ADIPOR2: variants seen among roughly 807,000 people sequenced by gnomAD.
The protein encoded by ADIPOR2 is adiponectin receptor protein 2.
In ADIPOR2, 18 loss-of-function variants were observed where a neutral mutation model predicts 40.9. That is an observed-to-expected ratio of 0.44 (90% CI 0.30 to 0.65). ADIPOR2 has a LOEUF of 0.65. Among genes scored for constraint, ADIPOR2 ranks in the 30% least tolerant of loss-of-function variants. The probability of loss-of-function intolerance (pLI) is 0.09; values close to 1 mark genes in which losing one functional copy is unlikely to be tolerated. For missense variants in ADIPOR2, 283 were observed against 479.2 expected, an observed-to-expected ratio of 0.59 and a Z score of 3.82; for synonymous variants, 165 against 166.4, an observed-to-expected ratio of 0.99 and a Z score of 0.06.
chr12:1,691,101 C>G lies in ADIPOR2; in HGVS notation c.-177C>G, dbSNP rs1363587187. 4 of 164,746 alleles carry G rather than the reference C, an allele frequency of 2.4e-5. No homozygotes were observed. The East Asian group carries it at 7.4e-4, about 30-fold the overall frequency. The allele number at this position is 164,746 out of a possible 1,614,324, so 10.2% of individuals were successfully genotyped here. ...GGCATCGCGGCGGCGGCAGCGGCGG[C>G]GGCTACACCGGGCTTGGCCCCCTCC... On this transcript the variant is annotated 5_prime_UTR_variant, in exon 1 of 8. Transcript: ENST00000357103.
chr12:1,742,864 G>A (rs563578682), intron 1 of ADIPOR2, among the ~76,000 whole-genome samples: 2 of 152,298 alleles, frequency 1.3e-5, no homozygotes, highest in East Asian at 3.9e-4. Flanking sequence ...GAATACAAAA[G>A]CAAGGCAAGT....
At chr12:1,780,039 T>C (rs1398614229) in intron 4 of ADIPOR2, 1 of 154,736 alleles carries the variant, frequency 6.5e-6, no homozygotes, top group Non-Finnish European at 1.4e-5. Flanking sequence ...TTTAGGGGTA[T>C]TGGAATTCAT....
intron 1 of ADIPOR2, among the ~76,000 whole-genome samples, chr12:1,720,056 A>G (rs2094694910): frequency 6.6e-6 from 1 of 152,204 alleles, no homozygotes; most frequent in Admixed American, 6.5e-5. Flanking sequence ...AAGAAGTTTC[A>G]TAGTTCAAGA....
chr12:1,721,232 TTTTGAG>T (rs2094697347), intron 1 of ADIPOR2, among the ~76,000 whole-genome samples: 1 of 139,732 alleles, frequency 7.2e-6, no homozygotes, highest in Non-Finnish European at 1.5e-5. Context: ...TTTTTTTTTT[TTTTGAG>T]GTGGAGTCTC....
intron 1 of ADIPOR2, among the ~76,000 whole-genome samples, chr12:1,694,701 T>C (rs1372689328): frequency 6.6e-6 from 1 of 152,206 alleles, no homozygotes; most frequent in Non-Finnish European, 1.5e-5. Context: ...TTTCATCCTT[T>C]GTAGATAACC....
In ADIPOR2 at chr12:1,757,384, T is replaced by C. The variant is rs887634871; in HGVS notation, c.171+2870T>C. On this transcript the variant is annotated intron_variant, in intron 2 of 7. Transcript: ENST00000357103. Reference sequence around the variant, plus strand: ...AGTTGAGTGGCAAAGCTGTTTCCATTGGCATCTTTCATGTGAACCACATCA... The same window carrying C: ...AGTTGAGTGGCAAAGCTGTTTCCATCGGCATCTTTCATGTGAACCACATCA... The C allele has an allele frequency of 6.0e-5, 43 of 719,078 alleles. No homozygotes were observed. The African/African-American group carries it at 6.3e-4, about 11-fold the overall frequency. 44.5% of individuals were successfully genotyped at this position (719,078 alleles called of 1,614,324 possible).
rs1431692448 is a variant in ADIPOR2 at position 1,762,292 on chromosome 12, ATATATT to A, written c.171+7782_171+7787del. ...GTATCATGACATATATTTGTGTGAC[ATATATT>A]TATGTTTATAAACATATATATAAAA... On this transcript the variant is annotated intron_variant, in intron 2 of 7. Coordinates refer to ENST00000357103, the MANE Select transcript of ADIPOR2 (RefSeq NM_024551.3). 5.3e-5 allele frequency among the ~76,000 whole-genome samples: 8 copies of A among 152,302 alleles called. No individual in the cohort carries two copies. The South Asian group carries it at 1.4e-3, about 28-fold the overall frequency.
intron 2 of ADIPOR2, among the ~76,000 whole-genome samples, chr12:1,763,439 C>T (rs1862310241): frequency 1.3e-5 from 2 of 152,112 alleles, no homozygotes; most frequent in South Asian, 4.1e-4. Flanking sequence ...TAACTTAGTG[C>T]ATGTAAAGCA....
At chr12:1,737,373 G>GA (rs1002779720) in intron 1 of ADIPOR2, among the ~76,000 whole-genome samples, 9 of 152,078 alleles carry the variant, frequency 5.9e-5, no homozygotes, top group Non-Finnish European at 1.0e-4. Flanking sequence ...TTGTCATGTG[G>GA]AAAATACATG....
At chr12:1,783,565 C>T (rs1483342087) in intron 6 of ADIPOR2, among the ~76,000 whole-genome samples, 1 of 151,922 alleles carries the variant, frequency 6.6e-6, no homozygotes, top group African/African-American at 2.4e-5. Context: ...CGCCTGGCTA[C>T]TTTTTGGATG....
chr12:1,766,729 T>C (rs909901909), intron 2 of ADIPOR2, among the ~76,000 whole-genome samples: 3 of 152,218 alleles, frequency 2.0e-5, no homozygotes, highest in South Asian at 2.1e-4. Context: ...TTTCAAGATA[T>C]TAGGTTGAAT....
chr12:1,751,375 G>A (rs10848569), intron 1 of ADIPOR2, among the ~76,000 whole-genome samples: 47,379 of 151,958 alleles, frequency 0.31, 8,150 homozygotes, highest in East Asian at 0.49. Flanking sequence ...GGACTTTACT[G>A]GAGAGTTGAT....
chr12:1,713,256 A>G (rs2094681178), intron 1 of ADIPOR2, among the ~76,000 whole-genome samples: 1 of 152,126 alleles, frequency 6.6e-6, no homozygotes, highest in African/African-American at 2.4e-5. Context: ...TTGGTATTTG[A>G]GAGAACAGGG....
At chr12:1,719,251 A>G (rs1381490588) in intron 1 of ADIPOR2, among the ~76,000 whole-genome samples, 2 of 152,182 alleles carry the variant, frequency 1.3e-5, no homozygotes, top group African/African-American at 4.8e-5. Flanking sequence ...GGAATGTAGC[A>G]GGGCTCCATG....
intron 2 of ADIPOR2, among the ~76,000 whole-genome samples, chr12:1,772,200 A>G (rs992660807): frequency 1.3e-5 from 2 of 152,238 alleles, no homozygotes; most frequent in Non-Finnish European, 2.9e-5. Flanking sequence ...CATTTTCTCC[A>G]GAATGTGGAA....
chr12:1,716,738 T>G (rs1392153795), intron 1 of ADIPOR2, among the ~76,000 whole-genome samples: 3 of 152,258 alleles, frequency 2.0e-5, no homozygotes, highest in African/African-American at 4.8e-5. Flanking sequence ...TTATTTTCAG[T>G]CTTTATTTCC....
intron 4 of ADIPOR2, 30 bp downstream of exon 4, chr12:1,778,055 G>A: frequency 6.3e-7 from 1 of 1,583,544 alleles, no homozygotes; most frequent in Non-Finnish European, 8.6e-7. Context: ...TAATGAGCTG[G>A]TGATTCACTT....
intron 1 of ADIPOR2, chr12:1,697,438 A>C (rs1393119411): frequency 1.3e-5 from 2 of 153,232 alleles, no homozygotes; most frequent in African/African-American, 4.8e-5. Context: ...CAATATCTCA[A>C]AACATGCAGT....
intron 2 of ADIPOR2, among the ~76,000 whole-genome samples, chr12:1,770,554 C>A (rs1862476318): frequency 6.6e-6 from 1 of 152,066 alleles, no homozygotes; most frequent in African/African-American, 2.4e-5. Flanking sequence ...GGAATTTTGT[C>A]ATTTTAATTT....
Sources: gnomAD v4.1 joint callset for allele counts (sites outside exome capture counted in the v4.1 genomes callset) on GRCh38, gnomAD v4.1.1 for gene constraint, MANE v1.5 for transcripts, NCBI Gene and HGNC (gene_info 2026-07-23, HGNC 2026-07-21) for gene names.